Variants in KIFC3 observed in about 807,000 individuals in gnomAD.
KIFC3 encodes the protein kinesin-like protein KIFC3.
KIFC3 carries 60 observed loss-of-function variants against 101.8 expected under a neutral mutation model. That is an observed-to-expected ratio of 0.59 (90% CI 0.48 to 0.73). KIFC3 has a LOEUF of 0.73. Among genes scored for constraint, KIFC3 ranks in the 30% least tolerant of loss-of-function variants. The probability of loss-of-function intolerance (pLI) is 0.00; values close to 1 mark genes in which losing one functional copy is unlikely to be tolerated. For synonymous variants in KIFC3, 476 were observed against 482.7 expected (o/e 0.99, Z 0.18); for missense variants, 966 against 1,137.1 (o/e 0.85, Z 2.16).
chr16:57,804,431 C>G (rs2054885990), upstream of KIFC3, among the ~76,000 whole-genome samples: 1 of 152,192 alleles, frequency 6.6e-6, no homozygotes, highest in Non-Finnish European at 1.5e-5. Context: ...AGAGCTATGA[C>G]TCCAATAGGT....
chr16:57,787,492 T>C (rs1027821634), intron 3 of KIFC3, among the ~76,000 whole-genome samples: 11 of 152,100 alleles, frequency 7.2e-5, no homozygotes, highest in Non-Finnish European at 5.9e-5. Flanking sequence ...AGGAGAGTGC[T>C]TGTGGAGAAA....
chr16:57,808,176 G>GT (rs1196210780), upstream of KIFC3, among the ~76,000 whole-genome samples: 59 of 151,944 alleles, frequency 3.9e-4, no homozygotes, highest in African/African-American at 1.3e-3. Context: ...GCTTTGTGAG[G>GT]TTTTTTTTCC....
chr16:57,813,914 C>T (rs2081249), intron 1 of KIFC3: 889,638 of 951,278 alleles, frequency 0.94, 416,264 homozygotes, highest in East Asian at 1. Context: ...ACCCTGGCAC[C>T]GGGTAGGGGC....
chr16:57,770,394 TC>T lies in KIFC3; in HGVS notation c.939+132del, dbSNP rs1431985164. 8 of 788,026 alleles carry T rather than the reference TC, an allele frequency of 1.0e-5. 1 individual carries two copies. The highest frequency in any genetic ancestry group is 1.8e-5 in the African/African-American group (1 of 55,590). 48.8% of individuals were successfully genotyped at this position (788,026 alleles called of 1,614,324 possible). A position where few individuals can be genotyped will look rare whatever the true frequency, so the allele number is the denominator to read the frequency against. ...GAAACCAGACAAAACTTGCCCTGGG[TC>T]CCGTGGCCATCGGGGAGAGGAGGGA... On this transcript the variant is annotated intron_variant, in intron 7 of 19. Transcript: ENST00000445690.
intron 1 of KIFC3, among the ~76,000 whole-genome samples, chr16:57,857,821 TC>T (rs1182730679): frequency 1.3e-4 from 14 of 108,524 alleles, no homozygotes; most frequent in African/African-American, 5.0e-4. Context: ...TTTCTTTCTT[TC>T]TTTTTTTTTT....
chr16:57,818,024 T>G (rs2055269072), intron 1 of KIFC3, among the ~76,000 whole-genome samples: 1 of 152,132 alleles, frequency 6.6e-6, no homozygotes, highest in Admixed American at 6.5e-5. Context: ...CTTTTTTTTT[T>G]TTTTTGTTCT....
At chr16:57,816,340 C>G in intron 1 of KIFC3, 2 of 1,042,778 alleles carry the variant, frequency 1.9e-6, no homozygotes, top group Non-Finnish European at 2.6e-6. Context: ...TCTTCAGGAT[C>G]CTGGGGCCTG....
intron 1 of KIFC3, among the ~76,000 whole-genome samples, chr16:57,838,330 T>A (rs2055737796): frequency 6.6e-6 from 1 of 152,186 alleles, no homozygotes; most frequent in Admixed American, 6.5e-5. Context: ...CTACACAGCA[T>A]ATACTAGTGG....
intron 1 of KIFC3, chr16:57,813,592 C>A: frequency 4.1e-6 from 3 of 737,026 alleles, no homozygotes; most frequent in Non-Finnish European, 3.3e-6. Context: ...AGAATCCCAG[C>A]CCTGGGGTCA....
upstream of KIFC3, chr16:57,803,554 T>A (rs2149245437): frequency 8.1e-6 from 3 of 369,388 alleles, no homozygotes; most frequent in South Asian, 6.0e-5. Flanking sequence ...CAACTCCAGG[T>A]GGGTTCTATC....
At chr16:57,843,862 C>A (rs2055860477) in intron 1 of KIFC3, among the ~76,000 whole-genome samples, 1 of 152,172 alleles carries the variant, frequency 6.6e-6, no homozygotes, top group Non-Finnish European at 1.5e-5. Context: ...AATCCCAGCA[C>A]TTTGGGAGGC....
At chr16:57,796,545 G>A (rs1470298059) in intron 2 of KIFC3, among the ~76,000 whole-genome samples, 1 of 152,244 alleles carries the variant, frequency 6.6e-6, no homozygotes, top group African/African-American at 2.4e-5. Flanking sequence ...GGGACTCAGA[G>A]GGGCCTGGGG....
chr16:57,821,006 C>T lies in KIFC3; in HGVS notation c.109-22724G>A, dbSNP rs538493054. On this transcript the variant is annotated intron_variant, in intron 1 of 2. Coordinates refer to the KIFC3 transcript ENST00000563028. ...AATTAGCCAGGTGAGGTAGCACACA[C>T]CTATAGTCCCAGCTACTCAGGAGAC... is the stretch of plus-strand genomic sequence containing the variant. Among the ~76,000 whole-genome samples the T allele has an allele frequency of 4.6e-5, 7 of 152,152 alleles. No individual in the cohort carries two copies. The East Asian group carries it at 1.4e-3, about 29-fold the overall frequency.
At chr16:57,830,413 A>G (rs999917816) in intron 1 of KIFC3, 2 of 151,186 alleles carry the variant, frequency 1.3e-5, no homozygotes, top group Non-Finnish European at 2.9e-5. Context: ...AATTTTTTGT[A>G]TTTTTAGTAG....
intron 1 of KIFC3, chr16:57,816,120 G>C: frequency 9.3e-7 from 1 of 1,071,850 alleles, no homozygotes. Context: ...CAGTGGCTCT[G>C]AACCATTTGA....
At chr16:57,819,783 A>T (rs1455508836) in intron 1 of KIFC3, among the ~76,000 whole-genome samples, 5 of 151,566 alleles carry the variant, frequency 3.3e-5, no homozygotes, top group Non-Finnish European at 5.9e-5. Context: ...CTGGTCTCGA[A>T]CTCCTGAGCT....
intron 1 of KIFC3, among the ~76,000 whole-genome samples, chr16:57,814,079 G>A (rs562383132): frequency 5.9e-5 from 9 of 152,254 alleles, no homozygotes; most frequent in African/African-American, 2.2e-4. Context: ...TTGTCATTGT[G>A]GGTCATTCCT....
intron 1 of KIFC3, among the ~76,000 whole-genome samples, chr16:57,837,554 G>GAAGGAAAAGAAAGAAAGAAAGA (rs71152302): frequency 1.0e-3 from 100 of 100,016 alleles, no homozygotes; most frequent in Non-Finnish European, 1.4e-3. Flanking sequence ...AGGAAGGAAG[G>GAAGGAAAAGAAAGAAAGAAAGA]AAGAAAGAAA....
chr16:57,774,852 C>G (rs540592160), intron 3 of KIFC3: 3 of 1,357,204 alleles, frequency 2.2e-6, no homozygotes, highest in Non-Finnish European at 2.9e-6. Flanking sequence ...TCAAAGAATA[C>G]GTAATTCCTA....
Sources: gnomAD v4.1 joint callset for allele counts (sites outside exome capture counted in the v4.1 genomes callset) on GRCh38, gnomAD v4.1.1 for gene constraint, MANE v1.5 for transcripts, NCBI Gene and HGNC (gene_info 2026-07-23, HGNC 2026-07-21) for gene names.